SRGAP3: variants seen among roughly 807,000 people sequenced by gnomAD.
SRGAP3 encodes the protein SLIT-ROBO Rho GTPase-activating protein 3.
SRGAP3 carries 39 observed loss-of-function variants against 121.1 expected under a neutral mutation model. The ratio of observed to expected loss-of-function variants is 0.32; its 90% CI spans 0.25 to 0.42. The LOEUF (loss-of-function observed/expected upper bound fraction) is 0.42, where lower values mean the gene tolerates loss of function less well. Among genes scored for constraint, SRGAP3 ranks in the 10% least tolerant of loss-of-function variants. SRGAP3 has a pLI of 1.00. For synonymous variants in SRGAP3, 601 were observed against 570.0 expected, an observed-to-expected ratio of 1.05 and a Z score of -0.77; for missense variants, 1,213 against 1,470.6, an observed-to-expected ratio of 0.82 and a Z score of 2.86.
intron 1 of SRGAP3, among the ~76,000 whole-genome samples, chr3:9,226,702 A>G (rs1241985574): frequency 6.6e-6 from 1 of 152,296 alleles, no homozygotes; most frequent in East Asian, 1.9e-4. Flanking sequence ...GCAAGACTTT[A>G]CACTTTTTCC....
At chr3:9,025,483 TC>T in intron 13 of SRGAP3, 145 bp from the exon 14 acceptor site, 1 of 948,290 alleles carries the variant, frequency 1.1e-6, no homozygotes, top group Non-Finnish European at 1.6e-6. Context: ...TATGAATGTC[TC>T]CAGAAATGGC....
In SRGAP3 at chr3:9,015,711, C is replaced by T. The variant is rs956102117; in HGVS notation, c.1699G>A (p.Asp567Asn). 32 of 1,613,986 alleles carry T rather than the reference C, an allele frequency of 2.0e-5. No individual in the cohort carries two copies. Among genetic ancestry groups the T allele is most frequent in the Non-Finnish European group, 2.4e-5 (28 of 1,180,040 alleles). ...FERGEDPLVD[D>N]QNERDINSVA... is the part of the protein sequence containing the mutation. ...GAATTGATATCTCGTTCATTTTGAT[C>T]GTCCACAAGGGGGTCTTCACCTGAG... The change falls in exon 15 of 22, where the codon GAT becomes AAT. Residue 567 changes from aspartate to asparagine, a missense_variant. By Grantham distance (23) the Asp-to-Asn change is conservative. Transcript: ENST00000383836.
intron 3 of SRGAP3, among the ~76,000 whole-genome samples, chr3:9,303,928 A>G (rs1418992730): frequency 4.6e-5 from 7 of 152,202 alleles, no homozygotes; most frequent in Admixed American, 2.0e-4. Context: ...TGGGGTCCCC[A>G]TGCCCTTGAG....
intron 4 of SRGAP3, among the ~76,000 whole-genome samples, chr3:9,078,893 T>A (rs1030034746): frequency 3.3e-5 from 5 of 152,224 alleles, no homozygotes; most frequent in African/African-American, 9.6e-5. Flanking sequence ...CAGCCCCGTT[T>A]TACTGATTGG....
At chr3:9,223,722 GT>G (rs1952893702) in intron 1 of SRGAP3, among the ~76,000 whole-genome samples, 1 of 152,106 alleles carries the variant, frequency 6.6e-6, no homozygotes, top group Non-Finnish European at 1.5e-5. Context: ...TTTTATCCCC[GT>G]TTCCCACCAG....
rs531602683 is a variant in SRGAP3, at chr3:9,134,431, A to G, written c.68-9514T>C. 5.3e-5 allele frequency among the ~76,000 whole-genome samples: 8 copies of G among 152,256 alleles called. No homozygotes were observed. In the South Asian group the frequency reaches 1.5e-3, roughly 28 times the overall value. ...AGCCGATAAAGATGAACCACCTGGT[A>G]TGTTACAGCCAACAACATCTCATCA... On this transcript the variant is annotated intron_variant, in intron 1 of 21. Coordinates refer to ENST00000383836, the MANE Select transcript of SRGAP3 (RefSeq NM_014850.4).
intron 3 of SRGAP3, among the ~76,000 whole-genome samples, chr3:9,087,024 A>ATGTATATTATGTATG (rs1947529364): frequency 6.6e-6 from 1 of 151,168 alleles, no homozygotes; most frequent in African/African-American, 2.4e-5. Flanking sequence ...ATATACATAT[A>ATGTATATTATGTATG]CGTATATTAT....
At chr3:9,321,675 G>A (rs1019529111) in intron 3 of SRGAP3, among the ~76,000 whole-genome samples, 23 of 151,728 alleles carry the variant, frequency 1.5e-4, no homozygotes, top group Non-Finnish European at 1.6e-4. Flanking sequence ...TGTCTTTTAC[G>A]GGAACACGGA....
chr3:9,013,977 G>T (rs1471036102), intron 15 of SRGAP3, 135 bp from the exon 16 acceptor site: 5 of 804,290 alleles, frequency 6.2e-6, no homozygotes, highest in Non-Finnish European at 1.1e-5. Context: ...AGGGATCACA[G>T]GTGATCCTGG....
At chr3:9,027,445 G>C (rs184445968) in intron 12 of SRGAP3, among the ~76,000 whole-genome samples, 83 of 152,254 alleles carry the variant, frequency 5.5e-4, no homozygotes, top group East Asian at 1.4e-3. Context: ...GGGCACACCA[G>C]GGGGGAAGCA....
chr3:9,273,905 C>T (rs913130202), intron 3 of SRGAP3, among the ~76,000 whole-genome samples: 21 of 152,010 alleles, frequency 1.4e-4, no homozygotes, highest in Middle Eastern at 3.4e-3. Flanking sequence ...AGACCATATA[C>T]GTGTGTGCTT....
At chr3:9,074,921 C>T (rs1946890070) in intron 4 of SRGAP3, among the ~76,000 whole-genome samples, 1 of 152,226 alleles carries the variant, frequency 6.6e-6, no homozygotes, top group Non-Finnish European at 1.5e-5. Context: ...CTGGGCCTCT[C>T]CTGCAGCCCT....
intron 3 of SRGAP3, among the ~76,000 whole-genome samples, chr3:9,274,063 C>A (rs996268964): frequency 5.9e-5 from 9 of 152,248 alleles, no homozygotes; most frequent in Admixed American, 5.2e-4. Context: ...CCTGCTCTCC[C>A]AAAAGACTTT....
intron 1 of SRGAP3, among the ~76,000 whole-genome samples, chr3:9,245,255 A>G (rs1953777952): frequency 6.6e-6 from 1 of 152,256 alleles, no homozygotes; most frequent in African/African-American, 2.4e-5. Context: ...CCATTTAGAC[A>G]GAACATGTAC....
chr3:9,146,783 C>T (rs779305176), intron 1 of SRGAP3, among the ~76,000 whole-genome samples: 6 of 152,226 alleles, frequency 3.9e-5, no homozygotes, highest in South Asian at 2.1e-4. Context: ...CCACAAGGTA[C>T]ACCCTGCAGG....
In SRGAP3 at chr3:8,992,790, T is replaced by TG; in HGVS notation, c.2558+115dup. ...CGCCCAGTGTGCCCATTTCATTTTG[T>TG]GGGGAACAAGGGGCTGCAGTAGGCT... is the stretch of plus-strand genomic sequence containing the variant. On this transcript the variant is annotated intron_variant, in intron 20 of 21. Transcript: ENST00000383836. The TG allele has an allele frequency of 4.4e-6, 7 of 1,585,700 alleles. No individual in the cohort carries two copies. The South Asian group carries it at 6.7e-5, about 15-fold the overall frequency.
chr3:9,253,851 C>T (rs1482081846), upstream of SRGAP3, among the ~76,000 whole-genome samples: 1 of 152,136 alleles, frequency 6.6e-6, no homozygotes, highest in Admixed American at 6.5e-5. Context: ...GACGGAATGG[C>T]AAGTAGGGCT....
chr3:9,036,561 CACAAAACAAAACA>C (rs1002978741), intron 11 of SRGAP3: 2 of 150,990 alleles, frequency 1.3e-5, no homozygotes, highest in African/African-American at 4.9e-5. Flanking sequence ...TTATTTAAAA[CACAAAACAAAACA>C]AAACAAAACA....
chr3:9,163,330 G>A (rs370866198), intron 1 of SRGAP3, among the ~76,000 whole-genome samples: 14 of 152,296 alleles, frequency 9.2e-5, no homozygotes, highest in Admixed American at 2.6e-4. Flanking sequence ...CCTCCAGGGC[G>A]GTTCAACCAG....
Sources: gnomAD v4.1 joint callset for allele counts (sites outside exome capture counted in the v4.1 genomes callset) on GRCh38, gnomAD v4.1.1 for gene constraint, MANE v1.5 for transcripts, NCBI Gene and HGNC (gene_info 2026-07-23, HGNC 2026-07-21) for gene names.